The following FHAD1 variants were observed in gnomAD, a reference collection of about 807,000 sequenced individuals.
FHAD1 encodes forkhead associated phosphopeptide binding domain 1.
A neutral mutation model predicts 191.3 loss-of-function variants in FHAD1; 146 were observed. That is an observed-to-expected ratio of 0.76 (90% CI 0.67 to 0.88). The LOEUF (loss-of-function observed/expected upper bound fraction) is 0.88. Among genes scored for constraint, FHAD1 ranks in the 40% least tolerant of loss-of-function variants. The pLI is 0.00. For missense variants in FHAD1, 1,635 were observed against 1,785.8 expected, an observed-to-expected ratio of 0.92 and a Z score of 1.52; for synonymous variants, 616 against 672.3, an observed-to-expected ratio of 0.92 and a Z score of 1.29.
chr1:15,381,329 G>A lies in FHAD1; in HGVS notation c.3900G>A (p.Lys1300=), dbSNP rs750936412. ...ACCTCTCCCGCCAGGAGAGGGAGAA[G>A]GTCAACCAGCTTCGACAAAGGGACC... ...MKYLSRQERE[K]VNQLRQRDLD... Residue 1300 remains lysine (K), a synonymous_variant, in exon 30 of 34, where the codon AAG becomes AAA. Transcript: ENST00000688493. This position sits in a 1 kb window ranked among gnomAD's most constrained non-coding sequence, Gnocchi z 4.6. The A allele has an allele frequency of 1.3e-5, 20 of 1,551,764 alleles. No individual in the cohort carries two copies. In the South Asian group the frequency reaches 2.4e-4, roughly 18 times the overall value.
At chr1:15,300,014 G>A (rs974970373) in intron 5 of FHAD1, among the ~76,000 whole-genome samples, 4 of 152,200 alleles carry the variant, frequency 2.6e-5, no homozygotes, top group Non-Finnish European at 5.9e-5. Flanking sequence ...CCTAGAAACT[G>A]CCCACCCGCT....
chr1:15,258,840 G>A (rs1431920698), intron 2 of FHAD1, among the ~76,000 whole-genome samples: 1 of 151,894 alleles, frequency 6.6e-6, no homozygotes, highest in Non-Finnish European at 1.5e-5. Flanking sequence ...CGCCCGCCTC[G>A]GCCTCCTAAA....
intron 6 of FHAD1, among the ~76,000 whole-genome samples, chr1:15,303,463 A>G (rs1057103629): frequency 1.3e-5 from 2 of 152,242 alleles, no homozygotes; most frequent in Non-Finnish European, 2.9e-5. Context: ...AGTAACTGTC[A>G]CATCTCTTTG....
In FHAD1 at chr1:15,289,539, C is replaced by G; in HGVS notation, c.441C>G (p.Ser147Arg). 2 of 1,551,894 alleles carry G rather than the reference C, an allele frequency of 1.3e-6. No homozygotes were observed. Among genetic ancestry groups the G allele is most frequent in the Non-Finnish European group, 1.7e-6 (2 of 1,147,036 alleles). ...QGVQPAPMQR[S>R]WSQAFPRPTV... The stretch of plus-strand genomic sequence containing the variant: ...TCCAGCCAGCACCGATGCAAAGGAG[C>G]TGGTCCCAGGCCTTTCCCAGACCCA... Residue 147 changes from serine to arginine, a missense_variant, in exon 4 of 34, where the codon AGC becomes AGG. By Grantham distance (110) the Ser-to-Arg change is moderately radical. Coordinates refer to ENST00000688493, the MANE Select transcript of FHAD1 (RefSeq NM_001391957.1). The surrounding 1 kb of genome is among the most constrained non-coding windows in gnomAD (Gnocchi z 4.2).
At chr1:15,358,967 A>G (rs1693752757) in intron 21 of FHAD1, among the ~76,000 whole-genome samples, 1 of 151,760 alleles carries the variant, frequency 6.6e-6, no homozygotes, top group Non-Finnish European at 1.5e-5. Context: ...GCGTGGGGGG[A>G]AGGGAGTCTC....
intron 9 of FHAD1, among the ~76,000 whole-genome samples, chr1:15,317,242 T>C (rs1365027515): frequency 6.6e-6 from 1 of 152,090 alleles, no homozygotes; most frequent in African/African-American, 2.4e-5. Flanking sequence ...TAAAAATAAA[T>C]ACAATGAAAA....
At chr1:15,357,843 A>G (rs1693389104) in intron 20 of FHAD1, 1 of 324,654 alleles carries the variant, frequency 3.1e-6, no homozygotes, top group South Asian at 7.0e-5. Flanking sequence ...CTCATAAAAG[A>G]GAAATAAAAC....
At chr1:15,241,648 A>G (rs1459735735) in intron 1 of FHAD1, among the ~76,000 whole-genome samples, 1 of 137,452 alleles carries the variant, frequency 7.3e-6, no homozygotes, top group Non-Finnish European at 1.5e-5. Context: ...TCTTGTCTCA[A>G]AAAAAACAAA....
In FHAD1 at chr1:15,324,510, G is replaced by C; in HGVS notation, c.1424G>C (p.Gly475Ala). ...RRKLLQLQEM[G>A]NRESVIKINL... ...AAATTGCTTCAGCTGCAAGAAATGGGGAACAGAGAGAGCGTCATTAAAATC... is the reference window on the plus strand; with the variant it reads ...AAATTGCTTCAGCTGCAAGAAATGGCGAACAGAGAGAGCGTCATTAAAATC... The change falls in exon 11 of 34, where the codon GGG becomes GCG. Residue 475 changes from glycine to alanine, a missense_variant. Physicochemically the swap from Gly to Ala is moderately conservative, Grantham distance 60. Coordinates refer to ENST00000688493, the MANE Select transcript of FHAD1 (RefSeq NM_001391957.1). 6.4e-7 allele frequency: 1 copy of C among 1,552,128 alleles called. No individual in the cohort carries two copies. The highest frequency in any genetic ancestry group is 8.7e-7 in the Non-Finnish European group (1 of 1,147,066).
Position 15,397,298 on chromosome 1 carries a change from T to C in FHAD1, c.4325T>C (p.Val1442Ala), listed in dbSNP as rs1198769022. The C allele has an allele frequency of 1.3e-6, 2 of 1,499,316 alleles. No homozygotes were observed. The highest frequency in any genetic ancestry group is 2.0e-5 in the Admixed American group (1 of 49,050). The allele number at this position is 1,499,316 out of a possible 1,614,324, so 92.9% of individuals were successfully genotyped here. ...TGTTTTTTCTCTTGCTTGTTAAAGG[T>C]TGGAACCAGAAAAGCCTCCCTAAAG... ...KNRMQNSNSQ[V>A]GTRKASLKMD... is the part of the protein sequence containing the mutation. The change falls in exon 34 of 34, where the codon GTT (valine) becomes GCT (alanine). Residue 1442 changes from valine (V) to alanine (A), a missense_variant and splice_region_variant. Val to Ala is a moderately conservative substitution (Grantham distance 64). Coordinates refer to ENST00000688493, the MANE Select transcript of FHAD1 (RefSeq NM_001391957.1).
At chr1:15,320,309 A>C (rs1298054585) in intron 10 of FHAD1, among the ~76,000 whole-genome samples, 2 of 152,210 alleles carry the variant, frequency 1.3e-5, no homozygotes, top group African/African-American at 4.8e-5. Context: ...ACTTGAGAAG[A>C]ATACGCATCC....
At chr1:15,376,381 T>G (rs924557297) in intron 28 of FHAD1, among the ~76,000 whole-genome samples, 1 of 152,222 alleles carries the variant, frequency 6.6e-6, no homozygotes, top group Non-Finnish European at 1.5e-5. Context: ...TGAGCCACTG[T>G]GCCCGGCCGA....
At chr1:15,260,262 C>T (rs1029193193) in intron 2 of FHAD1, among the ~76,000 whole-genome samples, 2 of 152,122 alleles carry the variant, frequency 1.3e-5, no homozygotes, top group East Asian at 1.9e-4. Context: ...CAGCCATTCT[C>T]GGCTGCAACT....
chr1:15,296,819 G>A, intron 5 of FHAD1, 26 bp downstream of exon 5: 1 of 1,536,058 alleles, frequency 6.5e-7, no homozygotes, highest in Non-Finnish European at 8.8e-7. Flanking sequence ...GGGGAAGGGT[G>A]GAGCTGCAGC....
At position 15,329,470 on chromosome 1, in the gene FHAD1, C is replaced by G; in HGVS notation, c.1835C>G (p.Ala612Gly). ...QKVVLDVLRH[A>G]LSWLEEVEQL... ...GTGGTGCTGGACGTCCTGAGGCACG[C>G]GCTGTCCTGGCTGGAGGAGGTGGAG... is the stretch of plus-strand genomic sequence containing the variant. The change falls in exon 14 of 34, where the codon GCG (alanine) becomes GGG (glycine). Residue 612 changes from alanine to glycine, a missense_variant. By Grantham distance (60) the Ala-to-Gly change is moderately conservative. Transcript: ENST00000688493. The surrounding 1 kb of genome is among the most constrained non-coding windows in gnomAD (Gnocchi z 5.0). 1 of 1,551,266 alleles carries G rather than the reference C, an allele frequency of 6.4e-7. No individual in the cohort carries two copies. Among genetic ancestry groups the G allele is most frequent in the South Asian group, 1.2e-5 (1 of 84,060 alleles).
At chr1:15,286,935 AC>A in intron 3 of FHAD1, 1 of 152,158 alleles carries the variant, frequency 6.6e-6, no homozygotes, top group Admixed American at 6.5e-5. Context: ...AATACTCTCT[AC>A]CTTTGTGTTC....
chr1:15,276,792 A>T lies in FHAD1; in HGVS notation c.300+4263A>T, dbSNP rs1218019627. ...CTGGGCAACAGAGTGAGACTCTCTCAAAAAAAAAAAAAGTATAGCCTAGGG... is the reference window on the plus strand; with the variant it reads ...CTGGGCAACAGAGTGAGACTCTCTCTAAAAAAAAAAAAGTATAGCCTAGGG... On this transcript the variant is annotated intron_variant, in intron 3 of 33. Coordinates refer to ENST00000688493, the MANE Select transcript of FHAD1 (RefSeq NM_001391957.1). The surrounding 1 kb of genome is among the most constrained non-coding windows in gnomAD (Gnocchi z 4.7). Among the ~76,000 whole-genome samples the T allele has an allele frequency of 5.5e-5, 8 of 144,952 alleles. No homozygotes were observed. In the South Asian group the frequency reaches 6.5e-4, roughly 12 times the overall value.
intron 2 of FHAD1, among the ~76,000 whole-genome samples, chr1:15,266,508 T>TAA (rs1653590091): frequency 6.6e-6 from 1 of 151,642 alleles, no homozygotes; most frequent in African/African-American, 2.4e-5. Context: ...CACTCACACA[T>TAA]ACACACGCAG....
chr1:15,350,019 C>A, intron 19 of FHAD1, among the ~76,000 whole-genome samples: 1 of 152,344 alleles, frequency 6.6e-6, no homozygotes, highest in East Asian at 1.9e-4. Context: ...GCTTCGGGGA[C>A]AGAGGTGGCA....
Sources: allele counts gnomAD v4.1 joint callset (sites outside exome capture counted in the v4.1 genomes callset), GRCh38; gene constraint gnomAD v4.1.1; non-coding constraint Gnocchi (gnomAD v3.1); transcripts MANE v1.5; gene names NCBI Gene and HGNC (gene_info 2026-07-23, HGNC 2026-07-21).